The following XRCC5 variants were observed in gnomAD, a reference collection of about 807,000 sequenced individuals.
XRCC5 encodes the protein DNA repair protein Ku80.
A neutral mutation model predicts 95.7 loss-of-function variants in XRCC5; 12 were observed. The observed-to-expected ratio is 0.13, with a 90% CI of 0.08 to 0.20. The LOEUF is 0.20. Ranked by LOEUF, XRCC5 falls within the 10% of genes least tolerant of loss-of-function variation. The pLI, the probability that XRCC5 is intolerant of heterozygous loss-of-function variation, is 1.00. For missense variants in XRCC5, 595 were observed against 873.9 expected, an observed-to-expected ratio of 0.68 and a Z score of 4.02; for synonymous variants, 281 against 290.3, an observed-to-expected ratio of 0.97 and a Z score of 0.33.
chr2:216,161,742 G>A (rs1688956240), intron 15 of XRCC5, among the ~76,000 whole-genome samples: 1 of 152,218 alleles, frequency 6.6e-6, no homozygotes, highest in African/African-American at 2.4e-5. Flanking sequence ...CTTCTGGAAA[G>A]AAATCAGCTT....
chr2:216,139,522 C>T (rs1198543932), intron 12 of XRCC5, among the ~76,000 whole-genome samples: 1 of 152,176 alleles, frequency 6.6e-6, no homozygotes, highest in Non-Finnish European at 1.5e-5. Context: ...TTACCTCCCC[C>T]TGGGTCTCTC....
chr2:216,165,419 G>A (rs73990741), intron 16 of XRCC5, among the ~76,000 whole-genome samples: 3,462 of 152,250 alleles, frequency 0.023, 129 homozygotes, highest in African/African-American at 0.077. Context: ...CAGAGCTGTC[G>A]GAAAATGGAT....
intron 4 of XRCC5, 109 bp from the exon 5 acceptor site, chr2:216,118,934 A>T: frequency 8.8e-7 from 1 of 1,135,552 alleles, no homozygotes; most frequent in Non-Finnish European, 1.3e-6. Context: ...CACATTTATT[A>T]ACTCTAGATC....
At chr2:216,144,079 G>C (rs1329448192) in intron 13 of XRCC5, among the ~76,000 whole-genome samples, 1 of 152,096 alleles carries the variant, frequency 6.6e-6, no homozygotes, top group African/African-American at 2.4e-5. Flanking sequence ...AAAACCAGTT[G>C]TTAAAACAGT....
At chr2:216,153,715 T>C (rs571293474) in intron 14 of XRCC5, among the ~76,000 whole-genome samples, 6 of 152,324 alleles carry the variant, frequency 3.9e-5, no homozygotes, top group African/African-American at 1.4e-4. Context: ...GGAGTAAGGA[T>C]TTAAGTGTAG....
intron 10 of XRCC5, among the ~76,000 whole-genome samples, chr2:216,135,614 A>G (rs920141879): frequency 6.6e-6 from 1 of 152,170 alleles, no homozygotes; most frequent in Non-Finnish European, 1.5e-5. Flanking sequence ...TCTGGGCAAC[A>G]TGGCAAAACC....
intron 16 of XRCC5, among the ~76,000 whole-genome samples, chr2:216,189,512 C>T (rs1252319790): frequency 1.3e-5 from 2 of 152,164 alleles, no homozygotes; most frequent in African/African-American, 4.8e-5. Context: ...GTGTAATCTA[C>T]TTTGGAAATG....
chr2:216,205,255 G>A lies in XRCC5; in HGVS notation c.*53G>A. 1.2e-6 allele frequency: 2 copies of A among 1,612,856 alleles called. No homozygotes were observed. The highest frequency in any genetic ancestry group is 1.7e-6 in the Non-Finnish European group (2 of 1,178,908). Reference sequence around the variant, plus strand: ...AGCTGCCATCGCTGTGATGCTGGGAGTTCTAACAAAACAAGTTGGATGCGG... The same window carrying A: ...AGCTGCCATCGCTGTGATGCTGGGAATTCTAACAAAACAAGTTGGATGCGG... On this transcript the variant is annotated 3_prime_UTR_variant, in exon 21 of 21. Coordinates refer to ENST00000392132, the MANE Select transcript of XRCC5 (RefSeq NM_021141.4).
chr2:216,138,713 A>G (rs1697127816), intron 12 of XRCC5, among the ~76,000 whole-genome samples: 1 of 152,220 alleles, frequency 6.6e-6, no homozygotes, highest in Non-Finnish European at 1.5e-5. Flanking sequence ...TCAGGGTCCT[A>G]TATAGAATTA....
At chr2:216,176,330 G>A (rs1161988680) in intron 16 of XRCC5, among the ~76,000 whole-genome samples, 1 of 152,090 alleles carries the variant, frequency 6.6e-6, no homozygotes, top group Non-Finnish European at 1.5e-5. Context: ...TATTGGCTAG[G>A]TTGGTCTCGA....
At chr2:216,149,370 T>A (rs1048428829) in intron 14 of XRCC5, among the ~76,000 whole-genome samples, 1 of 152,148 alleles carries the variant, frequency 6.6e-6, no homozygotes, top group African/African-American at 2.4e-5. Flanking sequence ...TCAAGGAAAT[T>A]GATAGATTGT....
At chr2:216,185,764 C>T (rs1689482722) in intron 16 of XRCC5, among the ~76,000 whole-genome samples, 1 of 151,656 alleles carries the variant, frequency 6.6e-6, no homozygotes, top group Non-Finnish European at 1.5e-5. Flanking sequence ...CACCCTCCAC[C>T]TCCTGGGTTC....
chr2:216,204,456 C>A (rs904665511), intron 20 of XRCC5, 60 bp downstream of exon 20: 57 of 1,573,744 alleles, frequency 3.6e-5, no homozygotes, highest in Admixed American at 2.2e-4. Flanking sequence ...GCTGTAAATA[C>A]AGCCACAAAG....
chr2:216,155,685 G>A (rs1488496346), intron 14 of XRCC5, among the ~76,000 whole-genome samples: 2 of 152,040 alleles, frequency 1.3e-5, no homozygotes, highest in African/African-American at 4.8e-5. Context: ...CACCACTGAA[G>A]GAAAATTAAG....
chr2:216,142,391 G>A (rs1697186650), intron 13 of XRCC5, among the ~76,000 whole-genome samples: 1 of 152,092 alleles, frequency 6.6e-6, no homozygotes, highest in Non-Finnish European at 1.5e-5. Context: ...TTAAAATACA[G>A]AAAATATAAA....
At chr2:216,175,571 G>C (rs865895835) in intron 16 of XRCC5, 5 of 391,416 alleles carry the variant, frequency 1.3e-5, no homozygotes, top group African/African-American at 6.4e-5. Context: ...TCCATAACTT[G>C]TATGGTTTCA....
intron 19 of XRCC5, among the ~76,000 whole-genome samples, chr2:216,199,808 ATCT>A (rs1373737943): frequency 1.6e-5 from 2 of 121,900 alleles, no homozygotes; most frequent in African/African-American, 3.2e-5. Context: ...TGGCATTGGG[ATCT>A]TTTTTTTTTT....
At chr2:216,128,947 T>C (rs1696937228) in intron 8 of XRCC5, among the ~76,000 whole-genome samples, 1 of 152,232 alleles carries the variant, frequency 6.6e-6, no homozygotes, top group Non-Finnish European at 1.5e-5. Flanking sequence ...AGTCTGTGCC[T>C]GCATTCTATT....
chr2:216,121,923 T>G, intron 5 of XRCC5, 139 bp from the exon 6 acceptor site: 1 of 723,570 alleles, frequency 1.4e-6, no homozygotes, highest in South Asian at 2.7e-5. Flanking sequence ...GGGAGAATAT[T>G]GGCTAAGGTA....
Sources: gnomAD v4.1 joint callset for allele counts (sites outside exome capture counted in the v4.1 genomes callset) on GRCh38, gnomAD v4.1.1 for gene constraint, MANE v1.5 for transcripts, NCBI Gene and HGNC (gene_info 2026-07-23, HGNC 2026-07-21) for gene names.